ACBD6: variants seen among roughly 807,000 people sequenced by gnomAD.
ACBD6 encodes the protein acyl-CoA binding domain containing 6.
Under a neutral mutation model 37.2 loss-of-function variants are expected in ACBD6, and 28 were observed. The ratio of observed to expected loss-of-function variants is 0.75; its 90% CI spans 0.56 to 1.03. The LOEUF is 1.03. Among genes scored for constraint, ACBD6 ranks in the 50% least tolerant of loss-of-function variants. The probability of loss-of-function intolerance (pLI) is 0.00; values close to 1 mark genes in which losing one functional copy is unlikely to be tolerated. For missense variants in ACBD6, 340 were observed against 337.4 expected (o/e 1.01, Z -0.06); for synonymous variants, 113 against 126.8 (o/e 0.89, Z 0.73).
At chr1:180,388,100 C>T (rs1490893870) in intron 6 of ACBD6, among the ~76,000 whole-genome samples, 1 of 151,246 alleles carries the variant, frequency 6.6e-6, no homozygotes, top group African/African-American at 2.4e-5. Flanking sequence ...GGCGTGAACC[C>T]AGGAGGCGGA....
At chr1:180,400,682 A>G (rs1402418383) in intron 5 of ACBD6, among the ~76,000 whole-genome samples, 2 of 152,188 alleles carry the variant, frequency 1.3e-5, no homozygotes, top group Non-Finnish European at 2.9e-5. Flanking sequence ...TCCTATAAAC[A>G]TGCTCTAATT....
intron 3 of ACBD6, among the ~76,000 whole-genome samples, chr1:180,473,707 C>T (rs1650666461): frequency 1.3e-5 from 2 of 152,064 alleles, no homozygotes; most frequent in East Asian, 3.9e-4. Context: ...TGTTTTTCAG[C>T]TTTTTACTGT....
At chr1:180,361,925 T>A (rs1652869488) in intron 6 of ACBD6, among the ~76,000 whole-genome samples, 1 of 151,628 alleles carries the variant, frequency 6.6e-6, no homozygotes, top group African/African-American at 2.4e-5. Context: ...CCCCATTCAA[T>A]AAAATATTAA....
At chr1:180,381,388 G>A (rs1026706852) in intron 6 of ACBD6, among the ~76,000 whole-genome samples, 1 of 152,138 alleles carries the variant, frequency 6.6e-6, no homozygotes, top group African/African-American at 2.4e-5. Flanking sequence ...TTTACAGAAC[G>A]TTTTGTCCAA....
At chr1:180,491,168 G>A (rs918856256) in intron 3 of ACBD6, among the ~76,000 whole-genome samples, 1 of 151,796 alleles carries the variant, frequency 6.6e-6, no homozygotes, top group Non-Finnish European at 1.5e-5. Context: ...CTTCATACCA[G>A]TAACAACTAT....
chr1:180,430,186 G>A lies in ACBD6; in HGVS notation c.461C>T (p.Thr154Ile). The A allele has an allele frequency of 6.2e-7, 1 of 1,612,198 alleles. No homozygotes were observed. Residue 154 changes from threonine to isoleucine, a missense_variant, in exon 4 of 8, where the codon ACC becomes ATC. Physicochemically the swap from Thr to Ile is moderately conservative, Grantham distance 89 (BLOSUM62 -1). Transcript: ENST00000367595. ...PVISSLYHEE[T>I]IREEDKNIFD... is the part of the protein sequence containing the mutation. The stretch of plus-strand genomic sequence containing the variant: ...AGATCAGAAGAGAAATTACCTGATG[G>A]TTTCTTCATGATATAGAGAACTAAT...
intron 6 of ACBD6, among the ~76,000 whole-genome samples, chr1:180,333,316 G>A (rs1315560620): frequency 6.6e-6 from 1 of 151,872 alleles, no homozygotes; most frequent in Non-Finnish European, 1.5e-5. Context: ...GAAAATAATT[G>A]GATATGCATA....
intron 6 of ACBD6, among the ~76,000 whole-genome samples, chr1:180,380,496 A>C (rs1653597592): frequency 6.6e-6 from 1 of 152,148 alleles, no homozygotes; most frequent in Non-Finnish European, 1.5e-5. Flanking sequence ...AATGAAAAAG[A>C]AATAAAGTTG....
At chr1:180,494,389 A>G (rs1651645284) in intron 2 of ACBD6, among the ~76,000 whole-genome samples, 1 of 152,214 alleles carries the variant, frequency 6.6e-6, no homozygotes, top group Non-Finnish European at 1.5e-5. Flanking sequence ...GGTATTCTTT[A>G]GAACAGTAAT....
intron 6 of ACBD6, among the ~76,000 whole-genome samples, chr1:180,318,167 C>CCCA (rs1553291895): frequency 1.1e-4 from 9 of 80,284 alleles, no homozygotes; most frequent in African/African-American, 5.4e-4. Context: ...ATCTCCGCCC[C>CCCA]CCCCCCCCAA....
intron 5 of ACBD6, among the ~76,000 whole-genome samples, chr1:180,411,769 G>A (rs1423087957): frequency 1.3e-5 from 2 of 152,054 alleles, no homozygotes; most frequent in Non-Finnish European, 2.9e-5. Flanking sequence ...AGGTTCAAGC[G>A]TTTCTCCTAC....
chr1:180,296,679 C>A (rs1232736597), intron 7 of ACBD6, among the ~76,000 whole-genome samples: 1 of 151,984 alleles, frequency 6.6e-6, no homozygotes, highest in Non-Finnish European at 1.5e-5. Context: ...GACCCGCCCA[C>A]CCGGGGCTCC....
At chr1:180,277,690 G>A (rs1480587471) in intron 9 of ACBD6, 1 of 152,140 alleles carries the variant, frequency 6.6e-6, no homozygotes, top group African/African-American at 2.4e-5. Flanking sequence ...TGCAACCTCA[G>A]GCAAATTCCT....
intron 3 of ACBD6, among the ~76,000 whole-genome samples, chr1:180,451,714 G>A (rs1057456272): frequency 6.6e-6 from 1 of 152,168 alleles, no homozygotes; most frequent in Non-Finnish European, 1.5e-5. Context: ...TAGGGCTGAG[G>A]GAAATGAGGA....
At chr1:180,443,412 T>TAGATCAGTATTCAGCCAA (rs2102016297) in intron 3 of ACBD6, among the ~76,000 whole-genome samples, 1 of 152,264 alleles carries the variant, frequency 6.6e-6, no homozygotes, top group South Asian at 2.1e-4. Context: ...TATACATGCA[T>TAGATCAGTATTCAGCCAA]AGATCAGTAT....
intron 6 of ACBD6, among the ~76,000 whole-genome samples, chr1:180,387,837 G>T (rs1261917193): frequency 6.6e-6 from 1 of 152,120 alleles, no homozygotes. Context: ...TTTCTGGGTT[G>T]TGGGCTTCTC....
At chr1:180,275,972 C>A (rs1163411746) in intron 9 of ACBD6, 1 of 152,294 alleles carries the variant, frequency 6.6e-6, no homozygotes, top group East Asian at 1.9e-4. Context: ...GTGGGAAACG[C>A]TGTCCTGAAT....
rs1476469753 is a variant in ACBD6, at chr1:180,492,370, A to C, written c.288-5T>G. The C allele has an allele frequency of 6.2e-7, 1 of 1,611,444 alleles. No individual in the cohort carries two copies. The highest frequency in any genetic ancestry group is 8.5e-7 in the Non-Finnish European group (1 of 1,177,602). On this transcript the variant is annotated splice_polypyrimidine_tract_variant and splice_region_variant and intron_variant, in intron 2 of 7. Transcript: ENST00000367595. ...CCAAGTGCTTTCCAAGCTTCCCTAC[A>C]ATATGGAATATCCAAAATGGCCTGT... is the stretch of plus-strand genomic sequence containing the variant.
At chr1:180,286,388 G>A (rs567625338), downstream of ACBD6, among the ~76,000 whole-genome samples, 43 of 152,224 alleles carry the variant, frequency 2.8e-4, no homozygotes, top group Non-Finnish European at 2.4e-4. Flanking sequence ...AACTGCTAAA[G>A]AGATGAAAAA....
Sources: gnomAD v4.1 joint callset for allele counts (sites outside exome capture counted in the v4.1 genomes callset) on GRCh38, gnomAD v4.1.1 for gene constraint, MANE v1.5 for transcripts, NCBI Gene and HGNC (gene_info 2026-07-23, HGNC 2026-07-21) for gene names.